The following PARD3 variants were observed in gnomAD, a reference collection of about 807,000 sequenced individuals.
The protein encoded by PARD3 is partitioning defective 3 homolog.
In PARD3, 75 loss-of-function variants were observed where a neutral mutation model predicts 155.4. The ratio of observed to expected loss-of-function variants is 0.48; its 90% CI spans 0.40 to 0.58. The LOEUF is 0.58. Ranked by LOEUF, PARD3 falls within the 20% of genes least tolerant of loss-of-function variation. PARD3 has a pLI of 0.00. For synonymous variants in PARD3, 576 were observed against 610.5 expected (o/e 0.94, Z 0.83); for missense variants, 1,642 against 1,721.7 (o/e 0.95, Z 0.82).
At chr10:34,516,233 G>T (rs1326755946) in intron 3 of PARD3, among the ~76,000 whole-genome samples, 1 of 152,086 alleles carries the variant, frequency 6.6e-6, no homozygotes, top group Non-Finnish European at 1.5e-5. Flanking sequence ...CCAAAGTGCT[G>T]GGATTATAGG....
At chr10:34,626,464 T>C (rs2091985488) in intron 2 of PARD3, among the ~76,000 whole-genome samples, 1 of 152,198 alleles carries the variant, frequency 6.6e-6, no homozygotes, top group Non-Finnish European at 1.5e-5. Context: ...TCACTTTCTT[T>C]TTGGGGAGGC....
intron 22 of PARD3, among the ~76,000 whole-genome samples, chr10:34,225,512 A>G (rs377749083): frequency 6.6e-6 from 1 of 152,032 alleles, no homozygotes; most frequent in Admixed American, 6.6e-5. Flanking sequence ...CACCCAGCTA[A>G]TTTTTGTATT....
chr10:34,216,681 A>T (rs1449482990), intron 22 of PARD3, among the ~76,000 whole-genome samples: 5 of 152,248 alleles, frequency 3.3e-5, no homozygotes, highest in African/African-American at 9.6e-5. Context: ...AGTCTTAAGA[A>T]GTTTAAGTGA....
intron 2 of PARD3, among the ~76,000 whole-genome samples, chr10:34,681,650 T>C (rs2093822960): frequency 6.9e-6 from 1 of 144,966 alleles, no homozygotes; most frequent in Non-Finnish European, 1.5e-5. Flanking sequence ...ATCAAATATA[T>C]AGTATTATAC....
intron 1 of PARD3, among the ~76,000 whole-genome samples, chr10:34,788,882 C>T (rs911947113): frequency 4.6e-5 from 7 of 152,150 alleles, no homozygotes; most frequent in African/African-American, 1.4e-4. Flanking sequence ...GAGCACTCTC[C>T]CATGCAGGCC....
intron 2 of PARD3, among the ~76,000 whole-genome samples, chr10:34,591,702 AAATG>A (rs1433276565): frequency 1.3e-5 from 2 of 152,156 alleles, no homozygotes; most frequent in African/African-American, 4.8e-5. Flanking sequence ...CTTAATCCAG[AAATG>A]AAGTCGCTGG....
intron 1 of PARD3, among the ~76,000 whole-genome samples, chr10:34,792,298 A>C (rs1410982648): frequency 2.0e-5 from 3 of 152,048 alleles, no homozygotes; most frequent in Non-Finnish European, 4.4e-5. Context: ...TTGCCCCGGC[A>C]GGTCTCACAC....
intron 22 of PARD3, among the ~76,000 whole-genome samples, chr10:34,254,276 G>A (rs1167879195): frequency 3.9e-5 from 6 of 152,098 alleles, no homozygotes; most frequent in East Asian, 3.9e-4. Flanking sequence ...CTACTCAGGA[G>A]GCTGAGGCAG....
At chr10:34,773,580 C>A (rs1209474027) in intron 1 of PARD3, among the ~76,000 whole-genome samples, 1 of 152,232 alleles carries the variant, frequency 6.6e-6, no homozygotes, top group Non-Finnish European at 1.5e-5. Flanking sequence ...ACATCACCAA[C>A]AACGTCCAAA....
At chr10:34,633,924 G>C (rs1308481652) in intron 2 of PARD3, among the ~76,000 whole-genome samples, 1 of 152,104 alleles carries the variant, frequency 6.6e-6, no homozygotes, top group Non-Finnish European at 1.5e-5. Context: ...CCTTTCTCTA[G>C]TTTTGAGAGT....
intron 5 of PARD3, among the ~76,000 whole-genome samples, chr10:34,411,029 C>T (rs1844990527): frequency 6.6e-6 from 1 of 152,122 alleles, no homozygotes. Context: ...TCATCTCTGA[C>T]CTAGGAGCCT....
chr10:34,145,204 T>TAC (rs1948411030), intron 22 of PARD3, among the ~76,000 whole-genome samples: 1 of 64,234 alleles, frequency 1.6e-5, no homozygotes, highest in Non-Finnish European at 3.0e-5. Flanking sequence ...TATATATATA[T>TAC]ATATATATAT....
intron 20 of PARD3, 107 bp downstream of exon 20, chr10:34,317,000 G>T: frequency 2.0e-6 from 2 of 994,816 alleles, no homozygotes; most frequent in Non-Finnish European, 2.8e-6. Flanking sequence ...CTCCCAAGTA[G>T]CTGGGATTAC....
intron 1 of PARD3, among the ~76,000 whole-genome samples, chr10:34,807,608 A>G (rs1843567767): frequency 1.3e-5 from 2 of 152,182 alleles, no homozygotes; most frequent in South Asian, 2.1e-4. Flanking sequence ...GAATTATACA[A>G]TATGTGGGCT....
chr10:34,613,179 T>C (rs764509283), intron 2 of PARD3, among the ~76,000 whole-genome samples: 3 of 152,212 alleles, frequency 2.0e-5, no homozygotes, highest in Non-Finnish European at 2.9e-5. Context: ...AATAAGTGTA[T>C]CTTTGCACTT....
chr10:34,707,104 G>C (rs1014399645), intron 1 of PARD3, among the ~76,000 whole-genome samples: 1 of 152,008 alleles, frequency 6.6e-6, no homozygotes, highest in Non-Finnish European at 1.5e-5. Context: ...AAATTAGCCA[G>C]GTGTGGTAGT....
rs7086000 is a variant in PARD3 at position 34,209,445 on chromosome 10, A to T, written c.3419+60212T>A. Among the ~76,000 whole-genome samples the T allele has an allele frequency of 6.3e-3, 965 of 152,228 alleles. 2 individuals carry two copies. Among genetic ancestry groups the T allele is most frequent in the African/African-American group, 0.021 (873 of 41,522 alleles). On this transcript the variant is annotated intron_variant, in intron 22 of 24. Coordinates refer to ENST00000374788, the MANE Select transcript of PARD3 (RefSeq NM_001184785.2). The stretch of plus-strand genomic sequence containing the variant: ...AGCGAGGAAGAGAATTGCTTCAAGA[A>T]GCCAAGTATAGTTGATTCTGTCTTC...
intron 2 of PARD3, among the ~76,000 whole-genome samples, chr10:34,543,818 T>A (rs981696315): frequency 2.6e-5 from 4 of 152,228 alleles, no homozygotes; most frequent in Non-Finnish European, 5.9e-5. Context: ...ATGCCTTTTG[T>A]CATCATTTGC....
At position 34,537,267 on chromosome 10, in the gene PARD3, G is replaced by T. The variant is rs139499715; in HGVS notation, c.223-20108C>A. Among the ~76,000 whole-genome samples, 349 of 152,304 alleles carry T rather than the reference G, an allele frequency of 2.3e-3. 3 individuals are homozygous for T. The highest frequency in any genetic ancestry group is 7.8e-3 in the African/African-American group (326 of 41,570). On this transcript the variant is annotated intron_variant, in intron 2 of 24. Transcript: ENST00000374788. ...GATCCTCCCACCTTGGCCTCCCAAAGCACTGGGATGAGCCACCACGTCTGG... is the reference window on the plus strand; with the variant it reads ...GATCCTCCCACCTTGGCCTCCCAAATCACTGGGATGAGCCACCACGTCTGG...
Sources: allele counts gnomAD v4.1 joint callset (sites outside exome capture counted in the v4.1 genomes callset), GRCh38; gene constraint gnomAD v4.1.1; transcripts MANE v1.5; gene names NCBI Gene and HGNC (gene_info 2026-07-23, HGNC 2026-07-21).